The following FHIT variants were observed in gnomAD, a reference collection of about 807,000 sequenced individuals.
FHIT encodes the protein fragile histidine triad diadenosine triphosphatase, also known as bis(5'-adenosyl)-triphosphatase.
Under a neutral mutation model 17.9 loss-of-function variants are expected in FHIT, and 19 were observed. The ratio of observed to expected loss-of-function variants is 1.06; its 90% CI spans 0.74 to 1.56. FHIT has a LOEUF of 1.56. Among genes scored for constraint, FHIT ranks in the 40% most tolerant of loss-of-function variants. The pLI, the probability that FHIT is intolerant of heterozygous loss-of-function variation, is 0.00. For synonymous variants in FHIT, 81 were observed against 69.7 expected (o/e 1.16, Z -0.81); for missense variants, 248 against 189.2 (o/e 1.31, Z -1.82).
intron 2 of FHIT, among the ~76,000 whole-genome samples, chr3:61,049,160 A>G (rs2033930695): frequency 2.0e-5 from 3 of 151,464 alleles, no homozygotes; most frequent in Admixed American, 6.6e-5. Flanking sequence ...AAAATCCATA[A>G]CTTCATAATG....
chr3:59,988,194 A>C (rs959967523), intron 7 of FHIT, among the ~76,000 whole-genome samples: 34 of 152,118 alleles, frequency 2.2e-4, no homozygotes, highest in African/African-American at 7.2e-4. Flanking sequence ...ACTGCAGGTC[A>C]CCTTCAGTGC....
chr3:60,177,590 A>C (rs1701737936), intron 5 of FHIT, among the ~76,000 whole-genome samples: 1 of 152,178 alleles, frequency 6.6e-6, no homozygotes, highest in African/African-American at 2.4e-5. Flanking sequence ...ACCATGGAGA[A>C]AGGTGTTTAT....
intron 7 of FHIT, among the ~76,000 whole-genome samples, chr3:59,926,199 T>C (rs1705651778): frequency 6.6e-6 from 1 of 152,244 alleles, no homozygotes. Flanking sequence ...ACACAAAAGA[T>C]GCTTGTTTAA....
At chr3:61,114,826 A>G (rs893784539) in intron 2 of FHIT, among the ~76,000 whole-genome samples, 7 of 152,056 alleles carry the variant, frequency 4.6e-5, no homozygotes, top group Non-Finnish European at 8.8e-5. Context: ...CCTGCCAGGG[A>G]AGTGAAGGTT....
intron 4 of FHIT, among the ~76,000 whole-genome samples, chr3:60,789,141 GATGT>G (rs140863348): frequency 0.045 from 5,270 of 118,188 alleles, 110 homozygotes; most frequent in African/African-American, 0.072. Context: ...TATAGAGAGA[GATGT>G]GTGTGTGTGT....
intron 5 of FHIT, among the ~76,000 whole-genome samples, chr3:60,466,044 G>A (rs983755773): frequency 2.0e-5 from 3 of 151,782 alleles, no homozygotes; most frequent in African/African-American, 7.3e-5. Context: ...CATTTATCTT[G>A]TGTCCTCTTC....
intron 3 of FHIT, among the ~76,000 whole-genome samples, chr3:60,999,757 G>A (rs942918985): frequency 2.0e-5 from 3 of 152,078 alleles, no homozygotes; most frequent in Non-Finnish European, 2.9e-5. Context: ...AGCTTGTGGG[G>A]AATAATGAAG....
intron 5 of FHIT, among the ~76,000 whole-genome samples, chr3:60,044,580 A>G (rs796192324): frequency 6.6e-6 from 1 of 152,148 alleles, no homozygotes. Flanking sequence ...AAGAACAACA[A>G]TGATATCATG....
At chr3:60,389,048 A>C (rs573171088) in intron 5 of FHIT, among the ~76,000 whole-genome samples, 5 of 152,286 alleles carry the variant, frequency 3.3e-5, no homozygotes, top group Admixed American at 3.3e-4. Context: ...CCTAGTTGCT[A>C]ATGTACTGGA....
chr3:59,859,519 C>T (rs576786443), intron 8 of FHIT, among the ~76,000 whole-genome samples: 1 of 152,142 alleles, frequency 6.6e-6, no homozygotes, highest in African/African-American at 2.4e-5. Flanking sequence ...GGAGTTCAAG[C>T]CCAGCCTGGC....
intron 5 of FHIT, among the ~76,000 whole-genome samples, chr3:60,189,470 G>A (rs1022730561): frequency 4.6e-5 from 7 of 151,958 alleles, no homozygotes; most frequent in African/African-American, 4.8e-5. Flanking sequence ...AGATACTTTA[G>A]GGCAATTCTG....
At chr3:60,272,744 A>C (rs1706923045) in intron 5 of FHIT, among the ~76,000 whole-genome samples, 1 of 152,200 alleles carries the variant, frequency 6.6e-6, no homozygotes, top group South Asian at 2.1e-4. Flanking sequence ...TCTACAAATC[A>C]AGACAGACCT....
chr3:60,960,035 T>C (rs1278950519), intron 3 of FHIT, among the ~76,000 whole-genome samples: 1 of 151,956 alleles, frequency 6.6e-6, no homozygotes. Context: ...TATAAGGTGA[T>C]TATCTCTGAA....
At chr3:59,917,519 T>A (rs1156914621) in intron 8 of FHIT, among the ~76,000 whole-genome samples, 1 of 152,216 alleles carries the variant, frequency 6.6e-6, no homozygotes, top group African/African-American at 2.4e-5. Context: ...ATTACCATAA[T>A]CTTCATCAAC....
rs1553655670 is a variant in FHIT, at chr3:60,029,879, T to TAGTGTGTGTGTGTGTG, written c.104-15728_104-15727insCACACACACACACACT. On this transcript the variant is annotated intron_variant, in intron 5 of 9. Coordinates refer to ENST00000492590, the MANE Select transcript of FHIT (RefSeq NM_002012.4). ...TTGGGCAGATGTCCTCATAGAAGCA[T>TAGTGTGTGTGTGTGTG]TGTGTGTGTGTGTGTGTCTGTGTGT... is the stretch of plus-strand genomic sequence containing the variant. 2.6e-3 allele frequency among the ~76,000 whole-genome samples: 346 copies of TAGTGTGTGTGTGTGTG among 131,478 alleles called. 2 individuals are homozygous for TAGTGTGTGTGTGTGTG. Among genetic ancestry groups the TAGTGTGTGTGTGTGTG allele is most frequent in the African/African-American group, 9.0e-3 (325 of 36,022 alleles). 86.3% of individuals were successfully genotyped at this position (131,478 alleles called of 152,430 possible).
intron 4 of FHIT, among the ~76,000 whole-genome samples, chr3:60,813,865 T>C (rs1353519520): frequency 1.3e-5 from 2 of 152,208 alleles, no homozygotes; most frequent in African/African-American, 4.8e-5. Context: ...TCTGATAATA[T>C]TTTTTGTCTT....
At chr3:61,139,575 T>C (rs1231843376) in intron 2 of FHIT, among the ~76,000 whole-genome samples, 3 of 125,530 alleles carry the variant, frequency 2.4e-5, no homozygotes, top group Non-Finnish European at 5.2e-5. Flanking sequence ...ATTGTAGTTT[T>C]TTGCTTGCCT....
intron 4 of FHIT, among the ~76,000 whole-genome samples, chr3:60,728,320 C>T (rs974412189): frequency 5.9e-5 from 9 of 152,208 alleles, no homozygotes; most frequent in African/African-American, 2.2e-4. Flanking sequence ...TCATTTCTGG[C>T]AGATCCACAT....
chr3:60,002,380 A>G (rs1241386044), intron 7 of FHIT, among the ~76,000 whole-genome samples: 1 of 152,100 alleles, frequency 6.6e-6, no homozygotes, highest in Admixed American at 6.6e-5. Flanking sequence ...CCGAAGATAT[A>G]TGTCTCAACT....
Sources: gnomAD v4.1 joint callset for allele counts (sites outside exome capture counted in the v4.1 genomes callset) on GRCh38, gnomAD v4.1.1 for gene constraint, MANE v1.5 for transcripts, NCBI Gene and HGNC (gene_info 2026-07-23, HGNC 2026-07-21) for gene names.